Variants in DOCK9 observed in about 807,000 individuals in gnomAD.
DOCK9 encodes dedicator of cytokinesis protein 9.
DOCK9 carries 89 observed loss-of-function variants against 263.3 expected under a neutral mutation model. The observed-to-expected ratio is 0.34, with a 90% CI of 0.28 to 0.40. The LOEUF is 0.40. Among genes scored for constraint, DOCK9 ranks in the 10% least tolerant of loss-of-function variants. DOCK9 has a pLI of 1.00. For synonymous variants in DOCK9, 976 were observed against 973.1 expected, an observed-to-expected ratio of 1.00 and a Z score of -0.06; for missense variants, 2,140 against 2,603.4, an observed-to-expected ratio of 0.82 and a Z score of 3.87.
chr13:98,887,143 A>ATATATATATTTTTTTTTTT (rs1470080750), intron 18 of DOCK9, among the ~76,000 whole-genome samples: 1 of 95,290 alleles, frequency 1.0e-5, no homozygotes, highest in African/African-American at 4.3e-5. Context: ...ATATATATAT[A>ATATATATATTTTTTTTTTT]TTTTTTTTTT....
chr13:99,055,933 C>T (rs1177184237), intron 1 of DOCK9, among the ~76,000 whole-genome samples: 1 of 152,080 alleles, frequency 6.6e-6, no homozygotes, highest in Non-Finnish European at 1.5e-5. Context: ...ATCAGCCAAG[C>T]TTTCCAAAAG....
At chr13:98,884,668 CTTTA>C (rs1490441418) in intron 21 of DOCK9, among the ~76,000 whole-genome samples, 9 of 152,184 alleles carry the variant, frequency 5.9e-5, no homozygotes, top group Non-Finnish European at 1.3e-4. Context: ...AAGAACTCAT[CTTTA>C]TTTGAGCATG....
intron 2 of DOCK9, 60 bp from the exon 3 acceptor site, chr13:98,930,317 A>G: frequency 7.0e-7 from 1 of 1,435,242 alleles, no homozygotes. Context: ...TGCCAGCCTC[A>G]GAGTGCAGCT....
intron 1 of DOCK9, among the ~76,000 whole-genome samples, chr13:99,021,604 A>T (rs943738005): frequency 6.9e-6 from 1 of 145,910 alleles, no homozygotes; most frequent in Non-Finnish European, 1.5e-5. Flanking sequence ...GCGCTACTGC[A>T]CTCCAGCCTG....
chr13:98,880,522 A>C (rs1419346257), intron 26 of DOCK9, 25 bp downstream of exon 26: 1 of 1,613,510 alleles, frequency 6.2e-7, no homozygotes, highest in African/African-American at 1.3e-5. Context: ...TTTCAATCAG[A>C]GCCACACTGA....
intron 35 of DOCK9, among the ~76,000 whole-genome samples, chr13:98,852,498 C>T (rs1319671978): frequency 6.6e-6 from 1 of 151,928 alleles, no homozygotes; most frequent in Non-Finnish European, 1.5e-5. Context: ...AAAAGAAATA[C>T]TATTTTCAAG....
intron 3 of DOCK9, among the ~76,000 whole-genome samples, chr13:98,927,629 ATTT>A (rs199793659): frequency 2.3e-5 from 2 of 87,840 alleles, no homozygotes; most frequent in African/African-American, 6.8e-5. Flanking sequence ...TTATTTATTT[ATTT>A]TTTTTTAAGA....
chr13:98,891,064 G>A (rs1282743287), intron 15 of DOCK9, among the ~76,000 whole-genome samples: 2 of 152,128 alleles, frequency 1.3e-5, no homozygotes, highest in Admixed American at 6.5e-5. Flanking sequence ...CTGTGCCTGC[G>A]GTGTGAGCTG....
At position 98,829,582 on chromosome 13, in the gene DOCK9, A is replaced by G; in HGVS notation, c.4750-60T>C. 1 of 1,585,360 alleles carries G rather than the reference A, an allele frequency of 6.3e-7. No homozygotes were observed. Among genetic ancestry groups the G allele is most frequent in the South Asian group, 1.1e-5 (1 of 87,554 alleles). On this transcript the variant is annotated intron_variant, in intron 42 of 52. Transcript: ENST00000682017. The surrounding 1 kb of genome is among the most constrained non-coding windows in gnomAD (Gnocchi z 4.1). The stretch of plus-strand genomic sequence containing the variant: ...CTTCCTCTGTTTGCTGCCTGTCCAC[A>G]AGCACCTCAGGTGCTGATGCAGAGT...
chr13:98,910,462 C>G (rs2049822152), intron 9 of DOCK9, among the ~76,000 whole-genome samples: 1 of 152,118 alleles, frequency 6.6e-6, no homozygotes, highest in Non-Finnish European at 1.5e-5. Flanking sequence ...ACATAAGCTC[C>G]AAGATTATAC....
chr13:98,811,792 G>T (rs1231785761), intron 45 of DOCK9, among the ~76,000 whole-genome samples: 1 of 152,112 alleles, frequency 6.6e-6, no homozygotes, highest in African/African-American at 2.4e-5. Flanking sequence ...TTATTTCCTG[G>T]ATTATGCTTT....
chr13:98,937,209 A>T (rs2055005814), intron 2 of DOCK9, among the ~76,000 whole-genome samples: 1 of 152,194 alleles, frequency 6.6e-6, no homozygotes, highest in Non-Finnish European at 1.5e-5. Context: ...GAAAAGGGAA[A>T]GGGGAAAAAA....
intron 38 of DOCK9, chr13:98,845,378 AAC>A: frequency 7.4e-7 from 1 of 1,354,024 alleles, no homozygotes; most frequent in Non-Finnish European, 9.8e-7. Context: ...TCACACTGAA[AAC>A]ACAGAAAAAG....
At chr13:98,868,210 C>T (rs1411499740) in intron 28 of DOCK9, 21 bp downstream of exon 28, 2 of 1,613,118 alleles carry the variant, frequency 1.2e-6, no homozygotes, top group Admixed American at 3.3e-5. Context: ...AACTGATATC[C>T]TCTTCCCTGG....
rs565162147 is a variant in DOCK9 at position 99,052,835 on chromosome 13, A to T, written c.129+33388T>A. On this transcript the variant is annotated intron_variant, in intron 1 of 32. Transcript: ENST00000427887. ...GCCCAGGCTCTTTGCCCATTTTTTA[A>T]CTGAGTTGTTTTCTCACTTTGAGTT... Among the ~76,000 whole-genome samples, 4 of 151,364 alleles carry T rather than the reference A, an allele frequency of 2.6e-5. No individual in the cohort carries two copies. The South Asian group carries it at 8.4e-4, about 32-fold the overall frequency.
chr13:99,047,926 C>T lies in DOCK9; in HGVS notation c.129+38297G>A, dbSNP rs117464655. On this transcript the variant is annotated intron_variant, in intron 1 of 32. Coordinates refer to the DOCK9 transcript ENST00000427887. ...CCTCCCTTTCACTGGCCTTTTACAACTCAATTCCTGCCCTCCTGTATAATA... is the reference window on the plus strand; with the variant it reads ...CCTCCCTTTCACTGGCCTTTTACAATTCAATTCCTGCCCTCCTGTATAATA... 3.6e-3 allele frequency among the ~76,000 whole-genome samples: 543 copies of T among 151,896 alleles called. 3 individuals carry two copies. Among genetic ancestry groups the T allele is most frequent in the Non-Finnish European group, 6.3e-3 (427 of 68,020 alleles).
chr13:99,049,789 AT>A (rs1474387918), intron 1 of DOCK9, among the ~76,000 whole-genome samples: 16 of 152,216 alleles, frequency 1.1e-4, no homozygotes, highest in Non-Finnish European at 8.8e-5. Context: ...AAGTGTTGGG[AT>A]TACAGGAATG....
chr13:98,940,216 A>T (rs1248017335), intron 2 of DOCK9, among the ~76,000 whole-genome samples: 1 of 152,192 alleles, frequency 6.6e-6, no homozygotes, highest in Non-Finnish European at 1.5e-5. Context: ...TTAACATCAG[A>T]CAAATTCCAT....
At chr13:98,909,715 A>G (rs2049707821) in intron 9 of DOCK9, among the ~76,000 whole-genome samples, 1 of 152,174 alleles carries the variant, frequency 6.6e-6, no homozygotes, top group Non-Finnish European at 1.5e-5. Context: ...TAATAGTGCA[A>G]TGATATTGTT....
Sources: allele counts gnomAD v4.1 joint callset (sites outside exome capture counted in the v4.1 genomes callset), GRCh38; gene constraint gnomAD v4.1.1; non-coding constraint Gnocchi (gnomAD v3.1); transcripts MANE v1.5; gene names NCBI Gene and HGNC (gene_info 2026-07-23, HGNC 2026-07-21).